The following CACNA1E variants were observed in gnomAD, a reference collection of about 807,000 sequenced individuals.
CACNA1E encodes voltage-dependent R-type calcium channel subunit alpha-1E.
CACNA1E carries 40 observed loss-of-function variants against 259.2 expected under a neutral mutation model. That is an observed-to-expected ratio of 0.15 (90% CI 0.12 to 0.20). The LOEUF (loss-of-function observed/expected upper bound fraction) is 0.20. Among genes scored for constraint, CACNA1E ranks in the 10% least tolerant of loss-of-function variants. The pLI is 1.00. For missense variants in CACNA1E, 1,874 were observed against 3,040.1 expected (o/e 0.62, Z 9.02); for synonymous variants, 1,104 against 1,138.5 (o/e 0.97, Z 0.61).
chr1:181,756,122 G>A (rs1364943937), intron 29 of CACNA1E, 29 bp downstream of exon 29: 1 of 1,591,796 alleles, frequency 6.3e-7, no homozygotes. Context: ...ATGCTTGTCT[G>A]TGGCTGTGAT....
chr1:181,461,174 GC>G (rs1335767015), intron 2 of CACNA1E, among the ~76,000 whole-genome samples: 1 of 152,146 alleles, frequency 6.6e-6, no homozygotes, highest in African/African-American at 2.4e-5. Context: ...CTAGAACTGA[GC>G]CCTTTCTTTT....
intron 3 of CACNA1E, among the ~76,000 whole-genome samples, chr1:181,525,788 T>C (rs1667309123): frequency 6.6e-6 from 1 of 152,340 alleles, no homozygotes. Flanking sequence ...AAGGATTTAT[T>C]ATTGTGGCCA....
At chr1:181,749,198 G>A (rs150918717) in intron 25 of CACNA1E, among the ~76,000 whole-genome samples, 1,783 of 152,212 alleles carry the variant, frequency 0.012, 12 homozygotes, top group Non-Finnish European at 0.019. Flanking sequence ...CAAAAAATAA[G>A]AAAGGAAAGA....
chr1:181,406,169 C>A (rs1272267945), intron 1 of CACNA1E, among the ~76,000 whole-genome samples: 1 of 152,352 alleles, frequency 6.6e-6, no homozygotes, highest in Non-Finnish European at 1.5e-5. Flanking sequence ...AGAGCAGAGT[C>A]TCTCTTTCCC....
chr1:181,608,894 C>T (rs1050442264), intron 6 of CACNA1E, among the ~76,000 whole-genome samples: 1 of 152,146 alleles, frequency 6.6e-6, no homozygotes, highest in Non-Finnish European at 1.5e-5. Flanking sequence ...CATGAATGAC[C>T]GTCAGAGGTT....
Position 181,661,183 on chromosome 1 carries a change from G to A in CACNA1E, c.1055+9742G>A, listed in dbSNP as rs201060023. The stretch of plus-strand genomic sequence containing the variant: ...TCTTGGGCTAAGCTGGTAAGTTTAA[G>A]CTTGATTCCAGAAGCTTGTGGGAGG... On this transcript the variant is annotated intron_variant, in intron 7 of 47. Coordinates refer to ENST00000367573, the MANE Select transcript of CACNA1E (RefSeq NM_001205293.3). Among the ~76,000 whole-genome samples the A allele has an allele frequency of 5.3e-5, 8 of 152,200 alleles. No homozygotes were observed. The East Asian group carries it at 1.5e-3, about 29-fold the overall frequency.
chr1:181,549,462 T>C (rs1647883670), intron 3 of CACNA1E, among the ~76,000 whole-genome samples: 1 of 152,318 alleles, frequency 6.6e-6, no homozygotes, highest in East Asian at 1.9e-4. Context: ...AATAGAAGGC[T>C]AAAATCATGC....
chr1:181,558,600 G>T (rs1648986178), intron 3 of CACNA1E, among the ~76,000 whole-genome samples: 1 of 152,202 alleles, frequency 6.6e-6, no homozygotes, highest in African/African-American at 2.4e-5. Flanking sequence ...CTGGGCACCT[G>T]CAGGAAACCA....
At chr1:181,759,430 G>A (rs1313162097) in intron 32 of CACNA1E, among the ~76,000 whole-genome samples, 1 of 127,232 alleles carries the variant, frequency 7.9e-6, no homozygotes, top group Non-Finnish European at 1.7e-5. Flanking sequence ...TGTGTGTATG[G>A]AGTGCAAGGG....
At chr1:181,688,458 G>A (rs1387596676) in intron 7 of CACNA1E, among the ~76,000 whole-genome samples, 1 of 152,144 alleles carries the variant, frequency 6.6e-6, no homozygotes, top group East Asian at 1.9e-4. Flanking sequence ...ATTTTCTGGG[G>A]CTATAGGACA....
intron 2 of CACNA1E, among the ~76,000 whole-genome samples, chr1:181,429,233 TG>T (rs1280171826): frequency 6.6e-6 from 1 of 152,178 alleles, no homozygotes; most frequent in Non-Finnish European, 1.5e-5. Flanking sequence ...TATAGGAAGC[TG>T]CGTGACCTTG....
chr1:181,744,445 T>C (rs1055721767), intron 25 of CACNA1E, among the ~76,000 whole-genome samples: 1 of 152,158 alleles, frequency 6.6e-6, no homozygotes, highest in African/African-American at 2.4e-5. Context: ...CCGGATTTGC[T>C]TGTGGGATTT....
chr1:181,356,770 TG>T (rs1268558805), intron 1 of CACNA1E, among the ~76,000 whole-genome samples: 1 of 152,196 alleles, frequency 6.6e-6, no homozygotes, highest in Non-Finnish European at 1.5e-5. Context: ...TGTTGTATCC[TG>T]GGAGTTTCCT....
chr1:181,481,639 G>T (rs571030441), upstream of CACNA1E, among the ~76,000 whole-genome samples: 5 of 152,242 alleles, frequency 3.3e-5, no homozygotes, highest in East Asian at 9.7e-4. Context: ...AGGCCTATGT[G>T]TTGAGCCAAG....
intron 1 of CACNA1E, among the ~76,000 whole-genome samples, chr1:181,375,572 G>A (rs1278197728): frequency 6.6e-6 from 1 of 152,122 alleles, no homozygotes; most frequent in Non-Finnish European, 1.5e-5. Flanking sequence ...ATTTTCCATC[G>A]AATGTGTTGG....
rs116021958 is a variant in CACNA1E at position 181,789,272 on chromosome 1, G to A, written c.5787-1173G>A. ...CATTTAGGCAGGTCATTTAAATACT[G>A]TAAAAACTCTGTAGCAGCTGTGAAA... On this transcript the variant is annotated intron_variant, in intron 43 of 47. Transcript: ENST00000367573. 8.1e-3 allele frequency among the ~76,000 whole-genome samples: 1,231 copies of A among 152,304 alleles called. 16 individuals carry two copies. The highest frequency in any genetic ancestry group is 0.027 in the African/African-American group (1,139 of 41,558).
intron 6 of CACNA1E, among the ~76,000 whole-genome samples, chr1:181,584,640 A>G (rs1335587682): frequency 6.6e-6 from 1 of 152,210 alleles, no homozygotes; most frequent in African/African-American, 2.4e-5. Flanking sequence ...CATAACATCC[A>G]TCTCGCAGTT....
intron 1 of CACNA1E, among the ~76,000 whole-genome samples, chr1:181,382,621 T>C (rs1469676509): frequency 2.0e-5 from 3 of 152,196 alleles, no homozygotes. Context: ...GAGTTAGGGA[T>C]GGCCTAATAT....
At chr1:181,670,299 C>G (rs995753142) in intron 7 of CACNA1E, among the ~76,000 whole-genome samples, 3 of 152,160 alleles carry the variant, frequency 2.0e-5, no homozygotes, top group African/African-American at 7.2e-5. Flanking sequence ...TGGTTATATA[C>G]TGGGTGCTTG....
Sources: allele counts gnomAD v4.1 joint callset (sites outside exome capture counted in the v4.1 genomes callset), GRCh38; gene constraint gnomAD v4.1.1; transcripts MANE v1.5; gene names NCBI Gene and HGNC (gene_info 2026-07-23, HGNC 2026-07-21).